The following B3GALT5 variants were observed in gnomAD, a reference collection of about 807,000 sequenced individuals.
B3GALT5 encodes UDP-Gal:betaGlcNAc beta 1,3-galactosyltransferase, polypeptide 5.
For synonymous variants in B3GALT5, 156 were observed against 158.6 expected (o/e 0.98, Z 0.12); for missense variants, 328 against 396.6 (o/e 0.83, Z 1.47).
At chr21:39,639,173 G>A (rs1465153572) in intron 1 of B3GALT5, among the ~76,000 whole-genome samples, 4 of 152,150 alleles carry the variant, frequency 2.6e-5, no homozygotes, top group Non-Finnish European at 4.4e-5. Flanking sequence ...GTTTGTAGGT[G>A]AGGTGCCACC....
At chr21:39,639,404 CTT>C (rs879380982) in intron 1 of B3GALT5, among the ~76,000 whole-genome samples, 1,555 of 67,630 alleles carry the variant, frequency 0.023, 57 homozygotes, top group East Asian at 0.089. Flanking sequence ...CTTTCTTTTT[CTT>C]TCTTTCTTTC....
chr21:39,651,495 G>A (rs2079395041), intron 2 of B3GALT5, among the ~76,000 whole-genome samples: 1 of 152,172 alleles, frequency 6.6e-6, no homozygotes, highest in Non-Finnish European at 1.5e-5. Flanking sequence ...GTGAGTCTGT[G>A]TCCAAATTTC....
chr21:39,653,300 C>G (rs1450980083), intron 2 of B3GALT5, among the ~76,000 whole-genome samples: 1 of 152,208 alleles, frequency 6.6e-6, no homozygotes, highest in Non-Finnish European at 1.5e-5. Flanking sequence ...TTCATTCATT[C>G]ATTCTGCTGT....
At chr21:39,631,838 A>G (rs1263135600) in intron 1 of B3GALT5, among the ~76,000 whole-genome samples, 3 of 152,194 alleles carry the variant, frequency 2.0e-5, no homozygotes, top group Non-Finnish European at 4.4e-5. Context: ...ATGCTGGTGA[A>G]GCCTACTTTT....
chr21:39,645,473 A>G (rs983441468), intron 1 of B3GALT5, among the ~76,000 whole-genome samples: 1 of 152,166 alleles, frequency 6.6e-6, no homozygotes. Flanking sequence ...GTAGGGGTTC[A>G]TGATGGATGC....
Position 39,630,711 on chromosome 21 carries a change from A to G in B3GALT5, c.-391-15681A>G, listed in dbSNP as rs561434362. Reference sequence around the variant, plus strand: ...GAAGGTAGTTTCCATGCATTCACTGAAAAGCTGGGATTGCTGAGAGTGGTG... The same window carrying G: ...GAAGGTAGTTTCCATGCATTCACTGGAAAGCTGGGATTGCTGAGAGTGGTG... On this transcript the variant is annotated intron_variant, in intron 1 of 3. Transcript: ENST00000684187. Among the ~76,000 whole-genome samples the G allele has an allele frequency of 2.6e-5, 4 of 152,296 alleles. No homozygotes were observed. The South Asian group carries it at 8.3e-4, about 32-fold the overall frequency.
rs2079607325 is a variant in B3GALT5, at chr21:39,669,352, G to A, written c.*7860G>A. 1 of 152,102 alleles carries A rather than the reference G, an allele frequency of 6.6e-6. No individual in the cohort carries two copies. The highest frequency in any genetic ancestry group is 1.5e-5 in the Non-Finnish European group (1 of 68,032). 9.4% of individuals were successfully genotyped at this position (152,102 alleles called of 1,614,324 possible). A position where few individuals can be genotyped will look rare whatever the true frequency, so the allele number is the denominator to read the frequency against. ...GAGTGACTTTGCCAGGTCCTTCAGCGAGTGGCACATCCAGGATTAAAAGCT... is the reference window on the plus strand; with the variant it reads ...GAGTGACTTTGCCAGGTCCTTCAGCAAGTGGCACATCCAGGATTAAAAGCT... On this transcript the variant is annotated 3_prime_UTR_variant, in exon 4 of 4. Coordinates refer to ENST00000684187, the MANE Select transcript of B3GALT5 (RefSeq NM_001356336.2).
At chr21:39,637,089 C>T (rs191546281) in intron 1 of B3GALT5, among the ~76,000 whole-genome samples, 62 of 152,254 alleles carry the variant, frequency 4.1e-4, no homozygotes, top group Admixed American at 3.3e-3. Context: ...CTATTAGGGC[C>T]GAGCACACGG....
intron 1 of B3GALT5, among the ~76,000 whole-genome samples, chr21:39,620,981 C>T (rs774499421): frequency 1.3e-5 from 2 of 152,146 alleles, no homozygotes; most frequent in Non-Finnish European, 2.9e-5. Context: ...AAAGCAGTGA[C>T]AGGTTAGGTA....
At chr21:39,654,070 C>T (rs1001968496) in intron 2 of B3GALT5, among the ~76,000 whole-genome samples, 1 of 152,192 alleles carries the variant, frequency 6.6e-6, no homozygotes, top group Non-Finnish European at 1.5e-5. Flanking sequence ...GCAATAATTG[C>T]TGCTGGGTCT....
intron 2 of B3GALT5, among the ~76,000 whole-genome samples, chr21:39,654,825 G>T (rs2079426770): frequency 6.6e-6 from 1 of 152,124 alleles, no homozygotes; most frequent in African/African-American, 2.4e-5. Flanking sequence ...ATTTTTTTAA[G>T]CAATAAAGTA....
At chr21:39,654,371 C>A (rs905976604) in intron 2 of B3GALT5, among the ~76,000 whole-genome samples, 5 of 152,178 alleles carry the variant, frequency 3.3e-5, no homozygotes, top group Admixed American at 3.3e-4. Flanking sequence ...GATGAGCCAC[C>A]ATGGTCGACT....
chr21:39,649,592 G>A (rs2079375035), intron 2 of B3GALT5, among the ~76,000 whole-genome samples: 1 of 152,214 alleles, frequency 6.6e-6, no homozygotes, highest in African/African-American at 2.4e-5. Context: ...GGACAAGTGG[G>A]GAGGTGCAGC....
intron 1 of B3GALT5, among the ~76,000 whole-genome samples, chr21:39,622,490 G>A (rs984885776): frequency 1.3e-5 from 2 of 152,036 alleles, no homozygotes; most frequent in African/African-American, 4.8e-5. Flanking sequence ...GAATTGCTAT[G>A]TAGTGTTGAT....
At chr21:39,647,855 T>A (rs933724572) in intron 2 of B3GALT5, among the ~76,000 whole-genome samples, 1 of 152,232 alleles carries the variant, frequency 6.6e-6, no homozygotes, top group African/African-American at 2.4e-5. Flanking sequence ...AGGTGTTTTA[T>A]ATGGGGTTAA....
In B3GALT5 at chr21:39,661,088, A is replaced by G; in HGVS notation, c.529A>G (p.Thr177Ala). 6.2e-7 allele frequency: 1 copy of G among 1,614,136 alleles called. No homozygotes were observed. Among genetic ancestry groups the G allele is most frequent in the Non-Finnish European group, 8.5e-7 (1 of 1,180,030 alleles). Residue 177 changes from threonine to alanine, a missense_variant, in exon 4 of 4, where the codon ACC (threonine) becomes GCC (alanine). Physicochemically the swap from Thr to Ala is moderately conservative, Grantham distance 58. Coordinates refer to ENST00000684187, the MANE Select transcript of B3GALT5 (RefSeq NM_001356336.2). The surrounding 1 kb of genome is among the most constrained non-coding windows in gnomAD (Gnocchi z 4.7). ...TELLLKKNRT[T>A]RFFTGFLKLN... is the part of the protein sequence containing the mutation. ...ACTGCTTCTGAAGAAAAACAGAACA[A>G]CCAGGTTTTTCACTGGCTTCTTGAA... is the stretch of plus-strand genomic sequence containing the variant.
At chr21:39,633,937 T>TA (rs951085663) in intron 1 of B3GALT5, among the ~76,000 whole-genome samples, 1 of 152,212 alleles carries the variant, frequency 6.6e-6, no homozygotes, top group African/African-American at 2.4e-5. Flanking sequence ...GATGGAGCTC[T>TA]AAGCATTGGG....
intron 2 of B3GALT5, among the ~76,000 whole-genome samples, chr21:39,653,384 G>C (rs142112542): frequency 0.012 from 1,832 of 152,206 alleles, 27 homozygotes; most frequent in African/African-American, 0.041. Context: ...CTTTTTGCCT[G>C]GTCTCTGGAA....
chr21:39,659,540 G>C (rs1321678429), intron 2 of B3GALT5, among the ~76,000 whole-genome samples: 1 of 152,094 alleles, frequency 6.6e-6, no homozygotes, highest in African/African-American at 2.4e-5. Flanking sequence ...GAAGGATTCT[G>C]GGGGATTGGC....
Sources: allele counts gnomAD v4.1 joint callset (sites outside exome capture counted in the v4.1 genomes callset), GRCh38; gene constraint gnomAD v4.1.1; non-coding constraint Gnocchi (gnomAD v3.1); transcripts MANE v1.5; gene names NCBI Gene and HGNC (gene_info 2026-07-23, HGNC 2026-07-21).